Variants in PRRG1 observed in about 807,000 individuals in gnomAD.
PRRG1 encodes the protein proline rich and Gla domain 1.
A neutral mutation model predicts 11.8 loss-of-function variants in PRRG1; 5 were observed. The observed-to-expected ratio is 0.42, with a 90% confidence interval of 0.22 to 0.89. PRRG1 has a LOEUF of 0.89. Among genes scored for constraint, PRRG1 ranks in the 40% least tolerant of loss-of-function variants. The pLI, the probability that PRRG1 is intolerant of heterozygous loss-of-function variation, is 0.28. For synonymous variants in PRRG1, 66 were observed against 60.4 expected, an observed-to-expected ratio of 1.09 and a Z score of -0.43; for missense variants, 155 against 166.1, an observed-to-expected ratio of 0.93 and a Z score of 0.37.
chrX:37,410,579 A>G (rs17312015), intron 2 of PRRG1, among the ~76,000 whole-genome samples: 15,280 of 111,715 alleles, frequency 0.14, 1,064 homozygotes, highest in Middle Eastern at 0.27. Flanking sequence ...TTGTTCATCA[A>G]CCTTTAGGGT....
intron 1 of PRRG1, among the ~76,000 whole-genome samples, chrX:37,354,668 C>T (rs782210847): frequency 2.3e-4 from 25 of 111,078 alleles, no homozygotes; most frequent in African/African-American, 7.2e-4. Flanking sequence ...GCTGGGATTA[C>T]AGGCGTGAGC....
At chrX:37,408,521 A>T (rs1039530197) in intron 2 of PRRG1, among the ~76,000 whole-genome samples, 5 of 111,570 alleles carry the variant, frequency 4.5e-5, no homozygotes, top group Non-Finnish European at 9.4e-5. Context: ...TGCCAGGAAC[A>T]TGTTGGGGCA....
At chrX:37,381,868 A>G (rs782789532) in intron 1 of PRRG1, among the ~76,000 whole-genome samples, 1 of 111,763 alleles carries the variant, frequency 8.9e-6, no homozygotes, top group Admixed American at 9.5e-5. Flanking sequence ...CCAGAAATAT[A>G]TAACAACTGA....
chrX:37,357,195 T>C (rs986481909), intron 1 of PRRG1, among the ~76,000 whole-genome samples: 4 of 111,679 alleles, frequency 3.6e-5, no homozygotes, highest in Non-Finnish European at 7.5e-5. Flanking sequence ...TTCTTTCACC[T>C]AGTAACGTTC....
intron 1 of PRRG1, chrX:37,403,793 G>A (rs1036017509): frequency 1.0e-4 from 78 of 744,352 alleles, no homozygotes; most frequent in Non-Finnish European, 1.2e-4. Flanking sequence ...CTGGGCCTGG[G>A]GGAGTTTGGG....
At chrX:37,426,048 T>C in intron 3 of PRRG1, 48 bp downstream of exon 3, 1 of 1,097,113 alleles carries the variant, frequency 9.1e-7, no homozygotes, top group Non-Finnish European at 1.2e-6. Flanking sequence ...CCTACCTTTT[T>C]GATGTATATT....
chrX:37,428,171 C>G (rs1932793195), intron 3 of PRRG1, among the ~76,000 whole-genome samples: 1 of 110,685 alleles, frequency 9.0e-6, no homozygotes, highest in Admixed American at 9.6e-5. Flanking sequence ...CACAGCCAAA[C>G]CATATCATTC....
intron 1 of PRRG1, among the ~76,000 whole-genome samples, chrX:37,385,530 A>G (rs1402281229): frequency 9.0e-6 from 1 of 110,731 alleles, no homozygotes; most frequent in African/African-American, 3.3e-5. Context: ...GAGCAGTACT[A>G]TATGCTGTAT....
chrX:37,400,862 G>A (rs1185809094), intron 1 of PRRG1, among the ~76,000 whole-genome samples: 1 of 111,343 alleles, frequency 9.0e-6, no homozygotes, highest in Non-Finnish European at 1.9e-5. Flanking sequence ...ACACCTCTAC[G>A]CAAATAAACT....
intron 3 of PRRG1, among the ~76,000 whole-genome samples, chrX:37,435,577 A>G (rs782284900): frequency 9.0e-6 from 1 of 111,175 alleles, no homozygotes; most frequent in Non-Finnish European, 1.9e-5. Flanking sequence ...TTACTAAGTC[A>G]CACATATGAT....
chrX:37,355,469 G>C lies in PRRG1; in HGVS notation c.-42+6074G>C, dbSNP rs1930208088. Among the ~76,000 whole-genome samples the C allele has an allele frequency of 2.7e-5, 3 of 111,838 alleles. No individual in the cohort carries two copies. In the South Asian group the frequency reaches 1.1e-3, roughly 42 times the overall value. On this transcript the variant is annotated intron_variant, in intron 1 of 3. Transcript: ENST00000378628. The stretch of plus-strand genomic sequence containing the variant: ...TGGTGAAAGGAGAATAGAAGAAAAA[G>C]ACTGGAGTTTGAAGATTTTTGGAGT...
At chrX:37,401,756 C>T (rs1349432474) in intron 1 of PRRG1, among the ~76,000 whole-genome samples, 1 of 111,227 alleles carries the variant, frequency 9.0e-6, no homozygotes, top group Non-Finnish European at 1.9e-5. Flanking sequence ...AGCCCAAAAT[C>T]TCCTTAAGCT....
intron 1 of PRRG1, among the ~76,000 whole-genome samples, chrX:37,402,736 TG>T (rs1218421689): frequency 9.0e-6 from 1 of 111,639 alleles, no homozygotes; most frequent in East Asian, 2.8e-4. Flanking sequence ...CCTACTCATC[TG>T]ACAAAGGGCT....
intron 1 of PRRG1, among the ~76,000 whole-genome samples, chrX:37,402,493 T>C (rs1556380713): frequency 1.8e-5 from 2 of 111,711 alleles, no homozygotes; most frequent in Admixed American, 1.9e-4. Flanking sequence ...CAAGATGGAT[T>C]AAAGACTTAA....
At chrX:37,429,426 A>G (rs1399193657) in intron 3 of PRRG1, among the ~76,000 whole-genome samples, 1 of 111,554 alleles carries the variant, frequency 9.0e-6, no homozygotes, top group Non-Finnish European at 1.9e-5. Flanking sequence ...ATCTTTCTCA[A>G]GTTCAAAGTT....
At position 37,453,528 on chromosome X, in the gene PRRG1, T is replaced by A. The variant is rs782696276; in HGVS notation, c.564T>A (p.Pro188=). ...QVNLQRSETE[P]HLDPPPEYED... ...ACCTGCAGAGGAGTGAAACAGAACC[T>A]CATTTAGACCCACCCCCAGAGTATG... Residue 188 remains proline, a synonymous_variant, in exon 4 of 4, where the codon CCT becomes CCA. Transcript: ENST00000378628. 3 of 1,208,247 alleles carry A rather than the reference T, an allele frequency of 2.5e-6. No homozygotes were observed. The highest frequency in any genetic ancestry group is 3.4e-6 in the Non-Finnish European group (3 of 894,511).
chrX:37,358,452 G>A (rs1297572169), intron 1 of PRRG1, among the ~76,000 whole-genome samples: 3 of 110,214 alleles, frequency 2.7e-5, no homozygotes, highest in Admixed American at 1.9e-4. Context: ...TTTTTTTCAT[G>A]TGGATGTCCA....
At chrX:37,364,142 G>T (rs782422190) in intron 1 of PRRG1, among the ~76,000 whole-genome samples, 11 of 110,953 alleles carry the variant, frequency 9.9e-5, no homozygotes, top group South Asian at 3.9e-4. Flanking sequence ...TCACAGTCCT[G>T]GTGCTAGAGT....
At chrX:37,441,587 A>T in intron 3 of PRRG1, 1 of 784,552 alleles carries the variant, frequency 1.3e-6, no homozygotes, top group Non-Finnish European at 1.5e-6. Context: ...GCCGCTGTCA[A>T]CAACCACGTC....
Sources: allele counts gnomAD v4.1 joint callset (sites outside exome capture counted in the v4.1 genomes callset), GRCh38; gene constraint gnomAD v4.1.1; transcripts MANE v1.5; gene names NCBI Gene and HGNC (gene_info 2026-07-23, HGNC 2026-07-21).